The following NBPF9 variants were observed in gnomAD, a reference collection of about 807,000 sequenced individuals.
The protein encoded by NBPF9 is NBPF member 9.
In NBPF9, 91 loss-of-function variants were observed where a neutral mutation model predicts 97.8. The observed-to-expected ratio is 0.93, with a 90% CI of 0.79 to 1.11. NBPF9 has a LOEUF of 1.11. NBPF9 is among the 50% of genes least tolerant of loss of function. NBPF9 has a pLI of 0.00. For missense variants in NBPF9, 992 were observed against 939.5 expected (o/e 1.06, Z -0.73); for synonymous variants, 334 against 359.5 (o/e 0.93, Z 0.80).
At chr1:149,070,152 C>A (rs1415053919) in intron 16 of NBPF9, among the ~76,000 whole-genome samples, 2 of 146,554 alleles carry the variant, frequency 1.4e-5, no homozygotes, top group African/African-American at 5.2e-5. Flanking sequence ...GAAACCCTGT[C>A]TCTACTAAAA....
At chr1:149,070,967 C>T (rs1553652798) in exon 16 of NBPF9, 1 of 1,612,574 alleles carries the variant, frequency 6.2e-7, no homozygotes, top group African/African-American at 1.3e-5. Flanking sequence ...TCCCGTTCAA[C>T]ATGAGAGGAT....
At chr1:149,078,960 C>T (rs1214016739) in intron 9 of NBPF9, 47 bp downstream of exon 9, 2 of 988,742 alleles carry the variant, frequency 2.0e-6, no homozygotes, top group Non-Finnish European at 3.2e-6. Context: ...TCTGGAGCCT[C>T]TCATAAGCCT....
chr1:149,069,607 G>A (rs782655972), exon 17 of NBPF9: 3 of 750,976 alleles, frequency 4.0e-6, no homozygotes, highest in Non-Finnish European at 7.2e-6. Flanking sequence ...GGAGACACTG[G>A]CCCTTTTTCT....
Position 149,059,528 on chromosome 1 carries a change from G to A in NBPF9, c.2585+172C>T. On this transcript the variant is annotated intron_variant, in intron 25 of 29. Transcript: ENST00000584027. The stretch of plus-strand genomic sequence containing the variant: ...TATGGTACGTTAGGAAATGATAAGG[G>A]GAGGAAGAAATGGAAACCTAAACAT... The A allele has an allele frequency of 4.8e-6, 2 of 419,754 alleles. 1 individual carries two copies. The highest frequency in any genetic ancestry group is 1.6e-3 in the Middle Eastern group (2 of 1,258). 26.0% of individuals were successfully genotyped at this position (419,754 alleles called of 1,614,324 possible).
chr1:149,067,873 G>C (rs1317056969), intron 17 of NBPF9, among the ~76,000 whole-genome samples: 3 of 142,672 alleles, frequency 2.1e-5, no homozygotes, highest in Admixed American at 6.8e-5. Flanking sequence ...CTAGATCCTT[G>C]AGGAATTGCC....
At chr1:149,056,116 A>G (rs1391319760) in intron 29 of NBPF9, among the ~76,000 whole-genome samples, 1 of 152,138 alleles carries the variant, frequency 6.6e-6, no homozygotes, top group Non-Finnish European at 1.5e-5. Context: ...AGACAGAGAC[A>G]GAGACAGAGA....
chr1:149,076,525 T>A (rs1175820848), intron 11 of NBPF9, among the ~76,000 whole-genome samples: 1 of 144,934 alleles, frequency 6.9e-6, no homozygotes, highest in Non-Finnish European at 1.5e-5. Flanking sequence ...TTTTTTGAGA[T>A]GGAGTCTCGC....
At chr1:149,059,295 G>C (rs1459893863) in intron 25 of NBPF9, 198 bp from the exon 26 acceptor site, 3 of 479,360 alleles carry the variant, frequency 6.3e-6, no homozygotes, top group Admixed American at 3.2e-5. Flanking sequence ...GACAGGGAGA[G>C]ACAGAGACAG....
chr1:149,100,932 T>TG (rs1410781844), intron 3 of NBPF9, among the ~76,000 whole-genome samples: 1 of 148,730 alleles, frequency 6.7e-6, no homozygotes, highest in Non-Finnish European at 1.5e-5. Flanking sequence ...AGGCCCTGTC[T>TG]GAAAAAAAAA....
chr1:149,084,726 G>T (rs587718308), intron 5 of NBPF9, among the ~76,000 whole-genome samples: 1 of 151,190 alleles, frequency 6.6e-6, no homozygotes, highest in Admixed American at 6.6e-5. Flanking sequence ...TCAACATCAC[G>T]CCAGCTGAGG....
At chr1:149,076,833 C>T (rs2079916160) in intron 11 of NBPF9, among the ~76,000 whole-genome samples, 1 of 151,558 alleles carries the variant, frequency 6.6e-6, no homozygotes, top group African/African-American at 2.4e-5. Flanking sequence ...CTAAGACAAG[C>T]CAATGAAAAG....
chr1:149,103,324 G>A lies in NBPF9; in HGVS notation c.-866C>T, dbSNP rs1553244928. ...ACCTCGGAAACGCTGGGTGGACTTC[G>A]CTGTAAACCGTAACTTCCCATCCAG... On this transcript the variant is annotated 5_prime_UTR_variant, in exon 1 of 30. An upstream open reading frame in the 5' UTR gains an earlier in-frame stop. Coordinates refer to ENST00000584027, the Ensembl canonical transcript of NBPF9. The A allele has an allele frequency of 6.6e-6, 1 of 151,962 alleles. No individual in the cohort carries two copies. The highest frequency in any genetic ancestry group is 1.5e-5 in the Non-Finnish European group (1 of 68,016). The allele number at this position is 151,962 out of a possible 1,614,324, so 9.4% of individuals were successfully genotyped here.
intron 13 of NBPF9, among the ~76,000 whole-genome samples, 171 bp from the exon 14 acceptor site, chr1:149,073,103 A>G (rs1244254295): frequency 6.7e-6 from 1 of 149,420 alleles, no homozygotes; most frequent in African/African-American, 2.4e-5. Flanking sequence ...AATGGTTTAC[A>G]GGCTTCCTCT....
chr1:149,077,382 C>A, exon 11 of NBPF9: 1 of 1,610,058 alleles, frequency 6.2e-7, no homozygotes, highest in Non-Finnish European at 8.5e-7. Context: ...TCCAGTGAGT[C>A]CTCAGCGACT....
At position 149,059,446 on chromosome 1, in the gene NBPF9, A is replaced by G. The variant is rs2078459098; in HGVS notation, c.2585+254T>C. ...TGAGCTCAATAGTTTTCCATAAAAT[A>G]TGCTCAAAATTCGATGCAGTGGCCA... On this transcript the variant is annotated intron_variant, in intron 25 of 29. Coordinates refer to ENST00000584027, the Ensembl canonical transcript of NBPF9. 8 of 398,712 alleles carry G rather than the reference A, an allele frequency of 2.0e-5. 1 individual carries two copies. The highest frequency in any genetic ancestry group is 4.3e-5 in the Admixed American group (1 of 23,118). The allele number at this position is 398,712 out of a possible 1,614,324, so 24.7% of individuals were successfully genotyped here.
intron 24 of NBPF9, 65 bp from the exon 25 acceptor site, chr1:149,059,873 T>A: frequency 2.0e-6 from 1 of 505,864 alleles, no homozygotes; most frequent in East Asian, 2.6e-5. Flanking sequence ...AACAATCCAC[T>A]GTCTAATCCT....
At chr1:149,054,039 T>C (rs1553648141) in exon 30 of NBPF9, 1 of 149,872 alleles carries the variant, frequency 6.7e-6, no homozygotes, top group African/African-American at 2.5e-5. Context: ...AACATGGAAA[T>C]GAAATGTTTT....
chr1:149,097,793 GA>G (rs1200340211), intron 4 of NBPF9, among the ~76,000 whole-genome samples: 3 of 152,156 alleles, frequency 2.0e-5, no homozygotes, highest in African/African-American at 7.2e-5. Context: ...CTCAGTGAAA[GA>G]AGGCGTCCAC....
At position 149,061,406 on chromosome 1, in the gene NBPF9, C is replaced by G. The variant is rs1339731746; in HGVS notation, c.2252-23G>C. The G allele has an allele frequency of 1.5e-4, 58 of 389,400 alleles. 9 individuals are homozygous for G. In the African/African-American group the frequency reaches 1.6e-3, roughly 11 times the overall value. 24.1% of individuals were successfully genotyped at this position (389,400 alleles called of 1,614,324 possible). ...TTCCTGCAATACATTCAGACAGGGA[C>G]AGACAAAATAAGCCAATTCACCTAC... On this transcript the variant is annotated intron_variant, in intron 22 of 29. Coordinates refer to ENST00000584027, the Ensembl canonical transcript of NBPF9.
Sources: gnomAD v4.1 joint callset for allele counts (sites outside exome capture counted in the v4.1 genomes callset) on GRCh38, gnomAD v4.1.1 for gene constraint, MANE v1.5 for transcripts, NCBI Gene and HGNC (gene_info 2026-07-23, HGNC 2026-07-21) for gene names.